Variants in PTPRN2 observed in about 807,000 individuals in gnomAD.
PTPRN2 encodes protein tyrosine phosphatase receptor type N2, also known as receptor-type tyrosine-protein phosphatase N2.
Under a neutral mutation model 118.8 loss-of-function variants are expected in PTPRN2, and 74 were observed. That is an observed-to-expected ratio of 0.62 (90% CI 0.52 to 0.76). The LOEUF is 0.76. PTPRN2 is among the 30% of genes least tolerant of loss of function. The pLI is 0.00. For missense variants in PTPRN2, 1,481 were observed against 1,394.4 expected, an observed-to-expected ratio of 1.06 and a Z score of -0.99; for synonymous variants, 641 against 608.0, an observed-to-expected ratio of 1.05 and a Z score of -0.80.
In PTPRN2 at chr7:157,579,089, A is replaced by G. The variant is rs981637479; in HGVS notation, c.2497-949T>C. 2.0e-5 allele frequency among the ~76,000 whole-genome samples: 3 copies of G among 152,240 alleles called. No homozygotes were observed. The South Asian group carries it at 6.2e-4, about 32-fold the overall frequency. The stretch of plus-strand genomic sequence containing the variant: ...GTTATTTTAAAAACCCTCATATCCC[A>G]AATATAAAATGCTGTCATCGTAGCG... On this transcript the variant is annotated intron_variant, in intron 17 of 22. Coordinates refer to ENST00000389418, the MANE Select transcript of PTPRN2 (RefSeq NM_002847.5).
chr7:158,277,146 C>G (rs1030851990), intron 3 of PTPRN2, among the ~76,000 whole-genome samples: 1 of 152,230 alleles, frequency 6.6e-6, no homozygotes, highest in Non-Finnish European at 1.5e-5. Context: ...CGCACACACG[C>G]GCACATACAC....
Position 158,003,381 on chromosome 7 carries a change from T to C in PTPRN2, c.1723+77917A>G. Among the ~76,000 whole-genome samples the C allele has an allele frequency of 7.9e-6, 1 of 126,320 alleles. No individual in the cohort carries two copies. Among genetic ancestry groups the C allele is most frequent in the African/African-American group, 3.1e-5 (1 of 32,030 alleles). 82.9% of individuals were successfully genotyped at this position (126,320 alleles called of 152,430 possible). ...GTGAGCCGAGATCGCGCCACTGCACTCCAACCTGGGAGACACAGCGAGACT... is the reference window on the plus strand; with the variant it reads ...GTGAGCCGAGATCGCGCCACTGCACCCCAACCTGGGAGACACAGCGAGACT... On this transcript the variant is annotated intron_variant, in intron 11 of 22. Coordinates refer to ENST00000389418, the MANE Select transcript of PTPRN2 (RefSeq NM_002847.5). The surrounding 1 kb of genome is among the most constrained non-coding windows in gnomAD (Gnocchi z 5.0).
chr7:157,589,380 G>A (rs1263802529), intron 17 of PTPRN2, among the ~76,000 whole-genome samples: 1 of 152,240 alleles, frequency 6.6e-6, no homozygotes, highest in Non-Finnish European at 1.5e-5. Context: ...TCCAATGGGT[G>A]CGTGTCTTTC....
chr7:157,844,063 G>A (rs1320995667), intron 12 of PTPRN2, among the ~76,000 whole-genome samples: 3 of 151,562 alleles, frequency 2.0e-5, no homozygotes, highest in Admixed American at 6.6e-5. Context: ...GGTGTGGAAC[G>A]CAGGCCCCTC....
intron 2 of PTPRN2, among the ~76,000 whole-genome samples, chr7:158,395,988 C>T (rs1812461238): frequency 6.6e-6 from 1 of 152,058 alleles, no homozygotes; most frequent in Non-Finnish European, 1.5e-5. Context: ...ATCCCAGTCC[C>T]GCCGCGACCC....
intron 5 of PTPRN2, among the ~76,000 whole-genome samples, chr7:158,190,866 G>A (rs551521095): frequency 6.6e-6 from 1 of 152,370 alleles, no homozygotes; most frequent in Admixed American, 6.5e-5. Flanking sequence ...TCCTCCTGAA[G>A]AGGCAAGGCC....
chr7:157,890,239 A>G (rs1373205181), intron 12 of PTPRN2, among the ~76,000 whole-genome samples: 1 of 152,188 alleles, frequency 6.6e-6, no homozygotes, highest in African/African-American at 2.4e-5. Flanking sequence ...AGTTAGACTC[A>G]TTCACCCTGC....
In PTPRN2 at chr7:157,750,563, A is replaced by G. The variant is rs564354702; in HGVS notation, c.1789-67626T>C. Among the ~76,000 whole-genome samples the G allele has an allele frequency of 4.6e-5, 7 of 152,342 alleles. No homozygotes were observed. In the South Asian group the frequency reaches 1.4e-3, roughly 32 times the overall value. On this transcript the variant is annotated intron_variant, in intron 12 of 22. Transcript: ENST00000389418. ...ACCCCCTGCCAATATCTGAGTGAAC[A>G]GTTCTTGCAAGCTAGGAAGGCTGGC... is the stretch of plus-strand genomic sequence containing the variant.
intron 11 of PTPRN2, among the ~76,000 whole-genome samples, chr7:157,945,565 G>A (rs1690218818): frequency 6.6e-6 from 1 of 151,956 alleles, no homozygotes; most frequent in African/African-American, 2.4e-5. Context: ...CCTCCAACTC[G>A]AACAATGCCA....
At chr7:158,331,001 C>A (rs867715527) in intron 2 of PTPRN2, among the ~76,000 whole-genome samples, 2 of 121,100 alleles carry the variant, frequency 1.7e-5, no homozygotes, top group African/African-American at 3.1e-5. Context: ...AGAGCTGACA[C>A]CCGCAGACGT....
At position 158,587,645 on chromosome 7, in the gene PTPRN2, G is replaced by A; in HGVS notation, c.25C>T (p.Leu9=). The A allele has an allele frequency of 2.2e-6, 3 of 1,366,412 alleles. No individual in the cohort carries two copies. The highest frequency in any genetic ancestry group is 2.8e-6 in the Non-Finnish European group (3 of 1,062,576). The allele number at this position is 1,366,412 out of a possible 1,614,324, so 84.6% of individuals were successfully genotyped here. A position where few individuals can be genotyped will look rare whatever the true frequency, so the allele number is the denominator to read the frequency against. The change falls in exon 1 of 23, where the codon CTG becomes TTG. Residue 9 remains leucine (L), a synonymous_variant. Coordinates refer to ENST00000389418, the MANE Select transcript of PTPRN2 (RefSeq NM_002847.5). ...GGCGGCAGCAGCAGCAGTAGCAGCA[G>A]CAGCAGCGGGAGCGGCGGCCCCATC... MGPPLPLL[L]LLLLLLPPRV... is the part of the protein sequence containing the mutation.
chr7:158,400,894 AC>A (rs1358531611), intron 2 of PTPRN2, among the ~76,000 whole-genome samples: 2 of 147,830 alleles, frequency 1.4e-5, no homozygotes, highest in South Asian at 4.3e-4. Flanking sequence ...CCCCCGTCCC[AC>A]CCCCCGCATT....
At chr7:158,031,829 G>A (rs896483753) in intron 11 of PTPRN2, among the ~76,000 whole-genome samples, 2 of 152,210 alleles carry the variant, frequency 1.3e-5, no homozygotes, top group African/African-American at 4.8e-5. Context: ...GAAGTCAGAC[G>A]CGGGGGCTGT....
intron 12 of PTPRN2, among the ~76,000 whole-genome samples, chr7:157,882,142 A>T (rs1796167939): frequency 6.6e-6 from 1 of 152,148 alleles, no homozygotes; most frequent in Non-Finnish European, 1.5e-5. Context: ...TGACTGTCGA[A>T]GAACAGAACA....
At chr7:158,050,813 G>C (rs890149066) in intron 11 of PTPRN2, among the ~76,000 whole-genome samples, 1 of 152,208 alleles carries the variant, frequency 6.6e-6, no homozygotes. Flanking sequence ...TCCTTCCTCT[G>C]TGCACACCTC....
At chr7:157,952,365 G>C (rs940095249) in intron 11 of PTPRN2, among the ~76,000 whole-genome samples, 81 of 149,576 alleles carry the variant, frequency 5.4e-4, no homozygotes, top group Non-Finnish European at 6.3e-4. Flanking sequence ...AGACAGGCGA[G>C]GGTGGGACAG....
chr7:157,927,781 T>C (rs551863774), intron 11 of PTPRN2, among the ~76,000 whole-genome samples: 1 of 152,160 alleles, frequency 6.6e-6, no homozygotes, highest in African/African-American at 2.4e-5. Context: ...GCATTTTCCA[T>C]GGAGTTCTGC....
intron 3 of PTPRN2, among the ~76,000 whole-genome samples, chr7:158,275,866 C>T (rs1798927733): frequency 6.6e-6 from 1 of 152,172 alleles, no homozygotes; most frequent in South Asian, 2.1e-4. Flanking sequence ...TCAGGGACAA[C>T]AGGTGGCCAA....
chr7:158,293,275 ACC>A (rs1800240880), intron 3 of PTPRN2, among the ~76,000 whole-genome samples: 1 of 151,706 alleles, frequency 6.6e-6, no homozygotes, highest in South Asian at 2.1e-4. Flanking sequence ...ATAATAAATT[ACC>A]TTTAAATAGT....
Sources: gnomAD v4.1 joint callset for allele counts (sites outside exome capture counted in the v4.1 genomes callset) on GRCh38, gnomAD v4.1.1 for gene constraint, Gnocchi (gnomAD v3.1) non-coding constraint, MANE v1.5 for transcripts, NCBI Gene and HGNC (gene_info 2026-07-23, HGNC 2026-07-21) for gene names.